Variants in SMCO3 observed in about 807,000 individuals in gnomAD.
SMCO3 encodes the protein single-pass membrane and coiled-coil domain-containing protein 3.
A neutral mutation model predicts 12.0 loss-of-function variants in SMCO3; 6 were observed. The observed-to-expected ratio is 0.50, with a 90% confidence interval of 0.27 to 0.99. The LOEUF (loss-of-function observed/expected upper bound fraction) is 0.99. Among genes scored for constraint, SMCO3 ranks in the 50% least tolerant of loss-of-function variants. The pLI, the probability that SMCO3 is intolerant of heterozygous loss-of-function variation, is 0.11. For synonymous variants in SMCO3, 96 were observed against 96.4 expected (o/e 1.00, Z 0.02); for missense variants, 279 against 265.0 (o/e 1.05, Z -0.37).
intron 1 of SMCO3, among the ~76,000 whole-genome samples, chr12:14,812,411 G>T (rs1421910669): frequency 3.3e-5 from 5 of 152,024 alleles, no homozygotes; most frequent in African/African-American, 9.7e-5. Flanking sequence ...GCCACTGCAC[G>T]CCGGCCTGGG....
rs771578940 is a variant in SMCO3 at position 14,806,046 on chromosome 12, GC to G, written c.634del (p.Ala212ProfsTer9). ...FKSASEKYNH[A>X]ITEVINTVKH... ...CACTGTATTGATGACCTCAGTAATG[GC>G]ATGATTATATTTTTCTGAGGCTGAT... On this transcript the variant is annotated frameshift_variant, in exon 2 of 2. Transcript: ENST00000316048. LOFTEE classifies it high-confidence loss of function. The G allele has an allele frequency of 1.1e-5, 17 of 1,614,046 alleles. No homozygotes were observed. Among genetic ancestry groups the G allele is most frequent in the Non-Finnish European group, 1.4e-5 (17 of 1,179,998 alleles).
chr12:14,807,452 C>T (rs1049549357), intron 1 of SMCO3, among the ~76,000 whole-genome samples: 1 of 152,196 alleles, frequency 6.6e-6, no homozygotes, highest in Admixed American at 6.5e-5. Context: ...GAGTTAAACT[C>T]TAGTCAGGGC....
chr12:14,813,458 G>A (rs1950170918), intron 1 of SMCO3, among the ~76,000 whole-genome samples: 1 of 152,196 alleles, frequency 6.6e-6, no homozygotes, highest in African/African-American at 2.4e-5. Context: ...TGATCATGAT[G>A]TGATGATATA....
At chr12:14,809,631 T>C (rs934207938) in intron 1 of SMCO3, among the ~76,000 whole-genome samples, 1 of 152,118 alleles carries the variant, frequency 6.6e-6, no homozygotes, top group African/African-American at 2.4e-5. Flanking sequence ...GTGTAATATA[T>C]GTAGAAAATT....
chr12:14,810,013 CTT>C (rs1341961963), intron 1 of SMCO3, among the ~76,000 whole-genome samples: 1 of 152,202 alleles, frequency 6.6e-6, no homozygotes, highest in Admixed American at 6.5e-5. Flanking sequence ...CGCTTAGACT[CTT>C]TTTCGTGGGA....
chr12:14,806,636 C>T lies in SMCO3; in HGVS notation c.45G>A (p.Arg15=), dbSNP rs751342043. Residue 15 remains arginine, a synonymous_variant, in exon 2 of 2, where the codon CGG becomes CGA. Coordinates refer to ENST00000316048, the MANE Select transcript of SMCO3 (RefSeq NM_001013698.2). ...GCTGGTGAAGACGATTTACTTCTTC[C>T]CGCCTTTTTGGGTTCTCTGGGTAAA... is the stretch of plus-strand genomic sequence containing the variant. ...DFLYPENPKR[R]EEVNRLHQQL... is the part of the protein sequence containing the mutation. 1.2e-6 allele frequency: 2 copies of T among 1,611,214 alleles called. No individual in the cohort carries two copies. The highest frequency in any genetic ancestry group is 2.2e-5 in the South Asian group (2 of 90,256).
chr12:14,806,526 G>A lies in SMCO3; in HGVS notation c.155C>T (p.Ala52Val). The change falls in exon 2 of 2, where the codon GCC becomes GTC. Residue 52 changes from alanine to valine, a missense_variant. By Grantham distance (64) the Ala-to-Val change is moderately conservative. Transcript: ENST00000316048. The part of the protein sequence containing the change: ...VLNMHLGCRL[A>V]SIEMKRDGTI... ...CCCATCTCTTTTCATCTCAATGGAG[G>A]CCAGCCTGCACCCCAAGTGCATATT... The A allele has an allele frequency of 6.2e-7, 1 of 1,614,068 alleles. No individual in the cohort carries two copies. The highest frequency in any genetic ancestry group is 8.5e-7 in the Non-Finnish European group (1 of 1,180,026).
At chr12:14,812,785 T>C (rs1315974006) in intron 1 of SMCO3, among the ~76,000 whole-genome samples, 2 of 152,018 alleles carry the variant, frequency 1.3e-5, no homozygotes, top group Non-Finnish European at 2.9e-5. Flanking sequence ...ATTCAGGAGG[T>C]ACATACACAG....
At position 14,806,535 on chromosome 12, in the gene SMCO3, C is replaced by T. The variant is rs765185528; in HGVS notation, c.146G>A (p.Cys49Tyr). 9 of 1,614,146 alleles carry T rather than the reference C, an allele frequency of 5.6e-6. No homozygotes were observed. The highest frequency in any genetic ancestry group is 6.8e-6 in the Non-Finnish European group (8 of 1,180,018). ...TTTCATCTCAATGGAGGCCAGCCTG[C>T]ACCCCAAGTGCATATTTAGAACCTC... ...LTEVLNMHLG[C>Y]RLASIEMKRD... The change falls in exon 2 of 2, where the codon TGC (cysteine) becomes TAC (tyrosine). Residue 49 changes from cysteine to tyrosine, a missense_variant. Transcript: ENST00000316048.
chr12:14,812,143 T>G (rs546498231), intron 1 of SMCO3, among the ~76,000 whole-genome samples: 1 of 152,328 alleles, frequency 6.6e-6, no homozygotes, highest in South Asian at 2.1e-4. Flanking sequence ...TTTCCCCTAT[T>G]TATAGCTTTA....
Position 14,805,799 on chromosome 12 carries a change from G to T in SMCO3, c.*204C>A. 3 of 584,708 alleles carry T rather than the reference G, an allele frequency of 5.1e-6. No homozygotes were observed. The highest frequency in any genetic ancestry group is 8.7e-6 in the Non-Finnish European group (3 of 345,240). The allele number at this position is 584,708 out of a possible 1,614,324, so 36.2% of individuals were successfully genotyped here. ...GGGAGAAAATTTTTTTACCTCACAG[G>T]GTCTAGCATCAGCTGATCCAGGCAT... On this transcript the variant is annotated 3_prime_UTR_variant, in exon 2 of 2. Transcript: ENST00000316048.
rs1950023554 is a variant in SMCO3, at chr12:14,804,847, T to C, written c.*1156A>G. ...ACTATTTTTAAGATATGCTGAGCAG[T>C]TTTTATTTCAATACATTTCTTGTAC... On this transcript the variant is annotated 3_prime_UTR_variant, in exon 2 of 2. Transcript: ENST00000316048. 6.6e-6 allele frequency: 1 copy of C among 152,218 alleles called. No individual in the cohort carries two copies. The highest frequency in any genetic ancestry group is 2.1e-4 in the South Asian group (1 of 4,832). 9.4% of individuals were successfully genotyped at this position (152,218 alleles called of 1,614,324 possible).
intron 1 of SMCO3, among the ~76,000 whole-genome samples, chr12:14,808,832 A>G (rs1327590666): frequency 6.6e-6 from 1 of 152,196 alleles, no homozygotes; most frequent in Non-Finnish European, 1.5e-5. Context: ...CATTTCCACA[A>G]AACAATACTT....
chr12:14,809,104 AGAG>A, intron 1 of SMCO3, among the ~76,000 whole-genome samples: 1 of 152,322 alleles, frequency 6.6e-6, no homozygotes, highest in East Asian at 1.9e-4. Context: ...CAGTTAGGTG[AGAG>A]GAGTTTTCTT....
At chr12:14,814,104 T>C (rs987798754) in intron 1 of SMCO3, 22 bp downstream of exon 1, 22 of 152,378 alleles carry the variant, frequency 1.4e-4, no homozygotes, top group Admixed American at 1.2e-3. Context: ...TCAATACTAA[T>C]AGAAATATCC....
chr12:14,809,060 T>A (rs556046835), intron 1 of SMCO3, among the ~76,000 whole-genome samples: 1 of 152,220 alleles, frequency 6.6e-6, no homozygotes, highest in Non-Finnish European at 1.5e-5. Flanking sequence ...AGTTTCTGAC[T>A]GACAGGAGAA....
At position 14,806,381 on chromosome 12, in the gene SMCO3, C is replaced by T; in HGVS notation, c.300G>A (p.Gln100=). Residue 100 remains glutamine (Q), a synonymous_variant, in exon 2 of 2, where the codon CAG becomes CAA. Transcript: ENST00000316048. ...KLEPTLYRKL[Q]DIKEKETDKI... Reference sequence around the variant, plus strand: ...TGTCTGTTTCCTTTTCCTTAATATCCTGAAGTTTTCTATAGAGGGTTGGCT... The same window carrying T: ...TGTCTGTTTCCTTTTCCTTAATATCTTGAAGTTTTCTATAGAGGGTTGGCT... 6.2e-7 allele frequency: 1 copy of T among 1,614,176 alleles called. No homozygotes were observed. Among genetic ancestry groups the T allele is most frequent in the Non-Finnish European group, 8.5e-7 (1 of 1,180,042 alleles).
intron 1 of SMCO3, among the ~76,000 whole-genome samples, chr12:14,810,506 T>A (rs1369782350): frequency 6.6e-6 from 1 of 152,234 alleles, no homozygotes; most frequent in African/African-American, 2.4e-5. Context: ...ACATGGTCCT[T>A]GCTTTTTTGG....
chr12:14,806,091 T>G lies in SMCO3; in HGVS notation c.590A>C (p.Lys197Thr). The G allele has an allele frequency of 1.2e-6, 2 of 1,614,228 alleles. No individual in the cohort carries two copies. The highest frequency in any genetic ancestry group is 1.7e-6 in the Non-Finnish European group (2 of 1,180,040). Residue 197 changes from lysine to threonine, a missense_variant, in exon 2 of 2, where the codon AAG becomes ACG. Transcript: ENST00000316048. Reference protein sequence around the residue: ...QLQAAIKSYEKHLVEFKSASE... With the variant: ...QLQAAIKSYETHLVEFKSASE... ...GGCTGATTTGAACTCCACCAGATGC[T>G]TCTCATAACTTTTGATGGCTGCTTG...
Sources: allele counts gnomAD v4.1 joint callset (sites outside exome capture counted in the v4.1 genomes callset), GRCh38; gene constraint gnomAD v4.1.1; transcripts MANE v1.5; gene names NCBI Gene and HGNC (gene_info 2026-07-23, HGNC 2026-07-21).